The following NAV2 variants were observed in gnomAD, a reference collection of about 807,000 sequenced individuals.
NAV2 encodes the protein neuron navigator 2.
Under a neutral mutation model 223.2 loss-of-function variants are expected in NAV2, and 54 were observed. The ratio of observed to expected loss-of-function variants is 0.24; its 90% confidence interval spans 0.19 to 0.30. The LOEUF (loss-of-function observed/expected upper bound fraction) is 0.30, where lower values mean the gene tolerates loss of function less well. NAV2 is among the 10% of genes least tolerant of loss of function. The probability of loss-of-function intolerance (pLI) is 1.00; values close to 1 mark genes in which losing one functional copy is unlikely to be tolerated. For missense variants in NAV2, 2,806 were observed against 3,147.5 expected, an observed-to-expected ratio of 0.89 and a Z score of 2.60; for synonymous variants, 1,279 against 1,239.3, an observed-to-expected ratio of 1.03 and a Z score of -0.67.
intron 1 of NAV2, among the ~76,000 whole-genome samples, chr11:19,756,469 G>T (rs974851085): frequency 6.6e-6 from 1 of 152,168 alleles, no homozygotes; most frequent in African/African-American, 2.4e-5. Flanking sequence ...GCGCGCAAGG[G>T]GCAGTCATGA....
chr11:19,462,670 C>A (rs934518979), intron 1 of NAV2, among the ~76,000 whole-genome samples: 5 of 152,272 alleles, frequency 3.3e-5, no homozygotes, highest in Middle Eastern at 3.4e-3. Context: ...GACCTAACAC[C>A]CAGAATGGGG....
intron 1 of NAV2, among the ~76,000 whole-genome samples, chr11:19,499,445 G>C (rs1246633033): frequency 6.6e-6 from 1 of 152,228 alleles, no homozygotes; most frequent in Admixed American, 6.5e-5. Context: ...TAGTCAAAGG[G>C]AGAAATGTTG....
intron 6 of NAV2, among the ~76,000 whole-genome samples, chr11:19,916,592 C>A (rs1229602358): frequency 6.6e-6 from 1 of 152,224 alleles, no homozygotes; most frequent in Non-Finnish European, 1.5e-5. Flanking sequence ...TATCAAACAA[C>A]ATTTATTCTG....
chr11:20,022,789 C>T (rs2054621721), intron 11 of NAV2: 1 of 1,192,820 alleles, frequency 8.4e-7, no homozygotes, highest in Non-Finnish European at 1.0e-6. Flanking sequence ...CCATTCAGTG[C>T]TTTACGGTAA....
intron 22 of NAV2, among the ~76,000 whole-genome samples, chr11:20,075,722 C>T (rs1406714304): frequency 6.6e-6 from 1 of 152,066 alleles, no homozygotes; most frequent in Non-Finnish European, 1.5e-5. Flanking sequence ...CACATCTCTC[C>T]TTAGATTGAA....
intron 4 of NAV2, among the ~76,000 whole-genome samples, chr11:19,875,857 CAG>C (rs954907959): frequency 2.0e-5 from 3 of 152,098 alleles, no homozygotes; most frequent in African/African-American, 2.4e-5. Flanking sequence ...CTGTGGCACA[CAG>C]GGGATGAGCA....
chr11:20,105,988 C>T (rs2062000344), intron 35 of NAV2, among the ~76,000 whole-genome samples: 1 of 151,162 alleles, frequency 6.6e-6, no homozygotes, highest in South Asian at 2.1e-4. Context: ...TTCCCCCAAG[C>T]TGAAGCTACC....
intron 11 of NAV2, among the ~76,000 whole-genome samples, chr11:19,993,656 G>A (rs1205326812): frequency 6.6e-6 from 1 of 152,108 alleles, no homozygotes; most frequent in Non-Finnish European, 1.5e-5. Flanking sequence ...CAGATGCCAG[G>A]CATTATGCCA....
At chr11:20,003,513 C>T (rs190532570) in intron 11 of NAV2, among the ~76,000 whole-genome samples, 3 of 152,226 alleles carry the variant, frequency 2.0e-5, no homozygotes, top group Admixed American at 2.0e-4. Context: ...TGAGCGACTC[C>T]CAGGGGTAAA....
intron 1 of NAV2, among the ~76,000 whole-genome samples, chr11:19,612,006 T>C (rs367997403): frequency 1.3e-5 from 2 of 152,248 alleles, no homozygotes; most frequent in East Asian, 1.9e-4. Context: ...ATACATCTTC[T>C]GAAATCTAGA....
intron 1 of NAV2, among the ~76,000 whole-genome samples, chr11:19,449,823 AC>A (rs1271553520): frequency 1.3e-5 from 2 of 148,852 alleles, no homozygotes; most frequent in African/African-American, 5.0e-5. Flanking sequence ...GACTCCGGTG[AC>A]CCCCCTCCCA....
chr11:19,452,716 GTGTGAATATCTCA>G (rs1851830962), intron 1 of NAV2, among the ~76,000 whole-genome samples: 1 of 152,138 alleles, frequency 6.6e-6, no homozygotes, highest in African/African-American at 2.4e-5. Context: ...TTATAATAAG[GTGTGAATATCTCA>G]TGCAATTTTT....
chr11:19,997,954 A>G (rs983298524), intron 11 of NAV2, among the ~76,000 whole-genome samples: 2 of 151,962 alleles, frequency 1.3e-5, no homozygotes, highest in African/African-American at 4.8e-5. Flanking sequence ...TCTCTCCATA[A>G]CCATGTTTTG....
intron 1 of NAV2, among the ~76,000 whole-genome samples, chr11:19,521,433 G>A (rs1196678637): frequency 6.6e-6 from 1 of 152,130 alleles, no homozygotes; most frequent in East Asian, 1.9e-4. Context: ...TAAGTGATGG[G>A]ACATTTAGTT....
chr11:20,011,338 G>A (rs531885539), intron 11 of NAV2, among the ~76,000 whole-genome samples: 1 of 152,258 alleles, frequency 6.6e-6, no homozygotes, highest in East Asian at 1.9e-4. Context: ...AAAAGAAAAA[G>A]GTTGTAATGT....
At chr11:20,087,408 C>T (rs2060525750) in intron 26 of NAV2, among the ~76,000 whole-genome samples, 1 of 152,136 alleles carries the variant, frequency 6.6e-6, no homozygotes, top group East Asian at 1.9e-4. Context: ...TGCTTGTTTC[C>T]AACCTCGAAG....
intron 1 of NAV2, chr11:19,507,121 G>C (rs1428022750): frequency 1.3e-5 from 2 of 152,240 alleles, no homozygotes; most frequent in African/African-American, 4.8e-5. Flanking sequence ...GAAGGAAAGG[G>C]ATGTTGGAGC....
chr11:19,992,192 T>A (rs898783715), intron 11 of NAV2, among the ~76,000 whole-genome samples: 1 of 152,242 alleles, frequency 6.6e-6, no homozygotes, highest in South Asian at 2.1e-4. Flanking sequence ...TAGAGGCAAA[T>A]GCCTGTTTCC....
intron 1 of NAV2, among the ~76,000 whole-genome samples, chr11:19,792,486 C>T (rs770150827): frequency 1.3e-5 from 2 of 152,210 alleles, no homozygotes; most frequent in Non-Finnish European, 2.9e-5. Flanking sequence ...CGTGTCCTAA[C>T]TGTATGCACC....
Sources: allele counts gnomAD v4.1 joint callset (sites outside exome capture counted in the v4.1 genomes callset), GRCh38; gene constraint gnomAD v4.1.1; transcripts MANE v1.5; gene names NCBI Gene and HGNC (gene_info 2026-07-23, HGNC 2026-07-21).